ATG2B: variants seen among roughly 807,000 people sequenced by gnomAD.
ATG2B encodes autophagy related 2B.
A neutral mutation model predicts 241.3 loss-of-function variants in ATG2B; 121 were observed. The observed-to-expected ratio is 0.50, with a 90% CI of 0.43 to 0.58. ATG2B has a LOEUF of 0.58. Ranked by LOEUF, ATG2B falls within the 20% of genes least tolerant of loss-of-function variation. ATG2B has a pLI of 0.00. For missense variants in ATG2B, 2,306 were observed against 2,491.6 expected (o/e 0.93, Z 1.59); for synonymous variants, 858 against 876.6 (o/e 0.98, Z 0.37).
At chr14:96,315,624 T>G (rs1249057404) in intron 21 of ATG2B, 41 bp from the exon 22 acceptor site, 6 of 1,493,792 alleles carry the variant, frequency 4.0e-6, no homozygotes, top group African/African-American at 2.8e-5. Flanking sequence ...ACAAAATGAT[T>G]ACTTGAAATT....
intron 37 of ATG2B, 45 bp from the exon 38 acceptor site, chr14:96,291,727 A>T (rs369319508): frequency 1.0e-5 from 13 of 1,294,320 alleles, no homozygotes; most frequent in Non-Finnish European, 2.2e-6. Flanking sequence ...GTAAATTAAG[A>T]GACTCAACAT....
intron 36 of ATG2B, among the ~76,000 whole-genome samples, chr14:96,293,852 C>CT (rs961486341): frequency 3.3e-5 from 5 of 150,902 alleles, no homozygotes; most frequent in Admixed American, 2.0e-4. Flanking sequence ...TTCCTCTGGG[C>CT]TAAAAAAAAA....
Position 96,347,185 on chromosome 14 carries a change from G to C in ATG2B, c.319C>G (p.Arg107Gly). 1 of 1,577,756 alleles carries C rather than the reference G, an allele frequency of 6.3e-7. No individual in the cohort carries two copies. The highest frequency in any genetic ancestry group is 8.7e-7 in the Non-Finnish European group (1 of 1,152,324). The change falls in exon 2 of 42, where the codon CGC becomes GGC. Residue 107 changes from arginine (R) to glycine (G), a missense_variant. Arg to Gly is a moderately radical substitution (Grantham distance 125, BLOSUM62 -2). Coordinates refer to ENST00000359933, the MANE Select transcript of ATG2B (RefSeq NM_018036.7). ...AAACATACAACACACCAACCTGGGC[G>C]AGGTCTAGGCCGGAAGACCATTTCT... ...GLEMVFRPRPRPATGSEPMYW... is the reference protein window; with the variant it reads ...GLEMVFRPRPGPATGSEPMYW...
intron 18 of ATG2B, 61 bp from the exon 19 acceptor site, chr14:96,317,916 A>T (rs1354616397): frequency 2.6e-6 from 3 of 1,152,790 alleles, no homozygotes; most frequent in Non-Finnish European, 3.6e-6. Flanking sequence ...AGGCAAACTT[A>T]AAAAAAAATC....
chr14:96,295,262 A>G (rs1436037654), intron 35 of ATG2B, 95 bp from the exon 36 acceptor site: 30 of 1,191,716 alleles, frequency 2.5e-5, no homozygotes, highest in Middle Eastern at 4.1e-4. Flanking sequence ...TCTACATTTT[A>G]TTTAATCAAA....
intron 19 of ATG2B, 52 bp from the exon 20 acceptor site, chr14:96,317,369 C>G: frequency 6.8e-7 from 1 of 1,461,420 alleles, no homozygotes. Flanking sequence ...AAAACAGCAA[C>G]ATAAAAATGA....
Position 96,289,681 on chromosome 14 carries a change from G to C in ATG2B, c.5981C>G (p.Ala1994Gly), listed in dbSNP as rs768575219. 3.7e-6 allele frequency: 6 copies of C among 1,614,178 alleles called. No homozygotes were observed. Among genetic ancestry groups the C allele is most frequent in the Non-Finnish European group, 5.1e-6 (6 of 1,180,014 alleles). The part of the protein sequence containing the change: ...HQPVDLREGV[A>G]KAYSVVKEGI... Reference sequence around the variant, plus strand: ...CTCTTTCACAACACTGTAGGCCTTGGCCACACCTTCCCTCAGGTCTACTGG... The same window carrying C: ...CTCTTTCACAACACTGTAGGCCTTGCCCACACCTTCCCTCAGGTCTACTGG... The change falls in exon 41 of 42, where the codon GCC (alanine) becomes GGC (glycine). Residue 1994 changes from alanine to glycine, a missense_variant. Physicochemically the swap from Ala to Gly is moderately conservative, Grantham distance 60. Transcript: ENST00000359933. The surrounding 1 kb of genome is among the most constrained non-coding windows in gnomAD (Gnocchi z 4.3).
chr14:96,345,233 C>G lies in ATG2B; in HGVS notation c.478G>C (p.Val160Leu), dbSNP rs1427944665. 2 of 1,608,068 alleles carry G rather than the reference C, an allele frequency of 1.2e-6. No individual in the cohort carries two copies. Among genetic ancestry groups the G allele is most frequent in the Non-Finnish European group, 1.7e-6 (2 of 1,178,018 alleles). The change falls in exon 3 of 42, where the codon GTA becomes CTA. Residue 160 changes from valine (V) to leucine (L), a missense_variant and splice_region_variant. This residue lies in a region of ATG2B where 1,927 missense variants were observed against 2,011.2 expected (regional missense o/e 0.96). Transcript: ENST00000359933. ...TTGAAAATTCTCAGTAACACCAAAC[C>G]TGTTTCAATGGTTTCAGCAAACTTT... The part of the protein sequence containing the change: ...LEKFAETIET[V>L]LRRVKVTFID...
chr14:96,317,584 C>A, intron 19 of ATG2B, 114 bp downstream of exon 19: 1 of 958,764 alleles, frequency 1.0e-6, no homozygotes, highest in Non-Finnish European at 1.5e-6. Context: ...AAAGAAATTG[C>A]AAAATATAGT....
At chr14:96,317,047 T>A in intron 20 of ATG2B, 98 bp downstream of exon 20, 1 of 1,206,558 alleles carries the variant, frequency 8.3e-7, no homozygotes, top group South Asian at 1.6e-5. Context: ...TGAAACAACT[T>A]CAAAATATCA....
intron 34 of ATG2B, among the ~76,000 whole-genome samples, chr14:96,301,081 T>C (rs879397122): frequency 3.9e-5 from 6 of 152,256 alleles, no homozygotes; most frequent in African/African-American, 9.6e-5. Flanking sequence ...AAAAACTCCA[T>C]TTATGTTCTG....
chr14:96,314,896 G>C (rs1341160714), intron 23 of ATG2B, among the ~76,000 whole-genome samples: 1 of 152,150 alleles, frequency 6.6e-6, no homozygotes, highest in Non-Finnish European at 1.5e-5. Flanking sequence ...AGACGGGATT[G>C]ACCAAGCTGG....
In ATG2B at chr14:96,317,165, C is replaced by T. The variant is rs1160959780; in HGVS notation, c.3190G>A (p.Ala1064Thr). 3 of 1,612,142 alleles carry T rather than the reference C, an allele frequency of 1.9e-6. No homozygotes were observed. Among genetic ancestry groups the T allele is most frequent in the South Asian group, 1.1e-5 (1 of 90,668 alleles). Residue 1064 changes from alanine to threonine, a missense_variant, in exon 20 of 42, where the codon GCA becomes ACA. Physicochemically the swap from Ala to Thr is moderately conservative, Grantham distance 58 (BLOSUM62 0). Transcript: ENST00000359933. ...CTCACCTTCACATCTGTGAACACTG[C>T]TATTAATCCATGATTAATATTCAGA... Reference protein sequence around the residue: ...VLLNINHGLIAVFTDVKQDNG... With the variant: ...VLLNINHGLITVFTDVKQDNG...
intron 23 of ATG2B, among the ~76,000 whole-genome samples, chr14:96,313,910 CTA>C (rs748813100): frequency 2.0e-5 from 3 of 152,126 alleles, no homozygotes; most frequent in Non-Finnish European, 2.9e-5. Flanking sequence ...CTGCTTAAAA[CTA>C]TCAATCTGGC....
intron 23 of ATG2B, among the ~76,000 whole-genome samples, chr14:96,313,994 T>C (rs533465680): frequency 8.5e-5 from 13 of 152,318 alleles, no homozygotes; most frequent in African/African-American, 3.1e-4. Context: ...AAGCTCTTTT[T>C]CCTTAATGTA....
rs1478481663 is a variant in ATG2B at position 96,315,523 on chromosome 14, T to C, written c.3422A>G (p.His1141Arg). ...GGAATAAATAGTAGGTTCCAACCAGTGTGGGCGGGTTGAGCTGGGAAGTCG... is the reference window on the plus strand; with the variant it reads ...GGAATAAATAGTAGGTTCCAACCAGCGTGGGCGGGTTGAGCTGGGAAGTCG... ...ETRLPSSTRP[H>R]WLEPTIYSSE... is the part of the protein sequence containing the mutation. Residue 1141 changes from histidine (H) to arginine (R), a missense_variant, in exon 22 of 42, where the codon CAC (histidine) becomes CGC (arginine). By Grantham distance (29) the His-to-Arg change is conservative. Coordinates refer to ENST00000359933, the MANE Select transcript of ATG2B (RefSeq NM_018036.7). 5 of 1,614,022 alleles carry C rather than the reference T, an allele frequency of 3.1e-6. No homozygotes were observed. The highest frequency in any genetic ancestry group is 2.2e-5 in the South Asian group (2 of 91,086).
Position 96,331,606 on chromosome 14 carries a change from T to C in ATG2B, c.1500A>G (p.Glu500=). The C allele has an allele frequency of 1.2e-6, 2 of 1,613,362 alleles. No homozygotes were observed. Among genetic ancestry groups the C allele is most frequent in the Middle Eastern group, 3.3e-4 (2 of 6,052 alleles). The change falls in exon 11 of 42, where the codon GAA becomes GAG. Residue 500 remains glutamate (E), a synonymous_variant. Transcript: ENST00000359933. ...GTCTAAAAATAAGTTCAGGCCTTGATTCATCCACTGAAACAGATCTAGATG... is the reference window on the plus strand; with the variant it reads ...GTCTAAAAATAAGTTCAGGCCTTGACTCATCCACTGAAACAGATCTAGATG... ...SLPSRSVSVD[E]SRPELIFRLA...
rs1345309461 is a variant in ATG2B at position 96,331,545 on chromosome 14, T to C, written c.1561A>G (p.Ile521Val). The C allele has an allele frequency of 2.5e-6, 4 of 1,614,128 alleles. No homozygotes were observed. Among genetic ancestry groups the C allele is most frequent in the Non-Finnish European group, 3.4e-6 (4 of 1,179,988 alleles). ...VGTFSISVLH[I>V]DPLSPPETSQ... ...GTTTCAGGTGGAGATAAAGGATCAA[T>C]GTGAAGCACAGAGATTGAAAAAGTT... Residue 521 changes from isoleucine (I) to valine (V), a missense_variant, in exon 11 of 42, where the codon ATT (isoleucine) becomes GTT (valine). By Grantham distance (29) the Ile-to-Val change is conservative (BLOSUM62 3). Around this residue, in one of 2 missense-constraint regions of ATG2B, gnomAD observed 1,927 missense variants for 2,011.2 expected, o/e 0.96. Coordinates refer to ENST00000359933, the MANE Select transcript of ATG2B (RefSeq NM_018036.7).
At chr14:96,315,734 C>T (rs1887292763) in intron 21 of ATG2B, 151 bp from the exon 22 acceptor site, 4 of 636,518 alleles carry the variant, frequency 6.3e-6, no homozygotes. Flanking sequence ...CATTAATAAT[C>T]CACTCCTCTT....
Sources: gnomAD v4.1 joint callset for allele counts (sites outside exome capture counted in the v4.1 genomes callset) on GRCh38, gnomAD v4.1.1 for gene constraint, gnomAD v4.1.1 regional missense constraint, Gnocchi (gnomAD v3.1) non-coding constraint, MANE v1.5 for transcripts, NCBI Gene and HGNC (gene_info 2026-07-23, HGNC 2026-07-21) for gene names.